The following ITGB8 variants were observed in gnomAD, a reference collection of about 807,000 sequenced individuals.
ITGB8 encodes integrin subunit beta 8, also known as integrin beta-8.
ITGB8 carries 30 observed loss-of-function variants against 89.5 expected under a neutral mutation model. The observed-to-expected ratio is 0.34, with a 90% CI of 0.25 to 0.45. The LOEUF is 0.45. Among genes scored for constraint, ITGB8 ranks in the 20% least tolerant of loss-of-function variants. The pLI, the probability that ITGB8 is intolerant of heterozygous loss-of-function variation, is 1.00. For missense variants in ITGB8, 836 were observed against 933.3 expected, an observed-to-expected ratio of 0.90 and a Z score of 1.36; for synonymous variants, 335 against 320.4, an observed-to-expected ratio of 1.05 and a Z score of -0.49.
intron 1 of ITGB8, among the ~76,000 whole-genome samples, chr7:20,332,973 C>A (rs1784459668): frequency 6.8e-6 from 1 of 147,864 alleles, no homozygotes; most frequent in Non-Finnish European, 1.5e-5. Flanking sequence ...GTCACCAAGT[C>A]CTTAAATTAT....
intron 6 of ITGB8, 116 bp downstream of exon 6, chr7:20,382,001 C>T (rs1363996411): frequency 1.2e-6 from 1 of 817,366 alleles, no homozygotes; most frequent in East Asian, 2.6e-5. Context: ...AGATACAGAA[C>T]AAGGATAAGC....
Position 20,412,990 on chromosome 7 carries a change from T to G in ITGB8, c.*2993T>G, listed in dbSNP as rs1787816329. 1 of 152,520 alleles carries G rather than the reference T, an allele frequency of 6.6e-6. No individual in the cohort carries two copies. Among genetic ancestry groups the G allele is most frequent in the Non-Finnish European group, 1.5e-5 (1 of 68,004 alleles). 9.4% of individuals were successfully genotyped at this position (152,520 alleles called of 1,614,324 possible). A position where few individuals can be genotyped will look rare whatever the true frequency, so the allele number is the denominator to read the frequency against. ...CAACACTTTTAGTACTGCAGCATTT[T>G]TGTGCCCTAAAGTATGTAATGATTT... On this transcript the variant is annotated 3_prime_UTR_variant, in exon 14 of 14. Coordinates refer to ENST00000222573, the MANE Select transcript of ITGB8 (RefSeq NM_002214.3).
Position 20,410,178 on chromosome 7 carries a change from T to G in ITGB8, c.*181T>G. 3.3e-6 allele frequency: 2 copies of G among 612,140 alleles called. No individual in the cohort carries two copies. The highest frequency in any genetic ancestry group is 4.2e-5 in the South Asian group (2 of 48,054). 37.9% of individuals were successfully genotyped at this position (612,140 alleles called of 1,614,324 possible). On this transcript the variant is annotated 3_prime_UTR_variant, in exon 14 of 14. Transcript: ENST00000222573. Reference sequence around the variant, plus strand: ...GATGTGACTCACATAGCTGCTGACTTTTTCAGAGAAAAATGTGTCTTACTA... The same window carrying G: ...GATGTGACTCACATAGCTGCTGACTGTTTCAGAGAAAAATGTGTCTTACTA...
chr7:20,376,997 C>T (rs920102220), intron 3 of ITGB8, among the ~76,000 whole-genome samples: 3 of 152,132 alleles, frequency 2.0e-5, no homozygotes, highest in African/African-American at 4.8e-5. Context: ...TTGCTGAGGC[C>T]AGCGAGACCG....
In ITGB8 at chr7:20,414,892, A is replaced by G. The variant is rs1042118946; in HGVS notation, c.*4895A>G. On this transcript the variant is annotated 3_prime_UTR_variant, in exon 14 of 14. Transcript: ENST00000222573. ...AATCAGGTTTCTTCTAGCCTCTGCAACCTACTTCAGTTAGAATTGTCTAAT... is the reference window on the plus strand; with the variant it reads ...AATCAGGTTTCTTCTAGCCTCTGCAGCCTACTTCAGTTAGAATTGTCTAAT... The G allele has an allele frequency of 2.0e-5, 3 of 152,574 alleles. No homozygotes were observed. Among genetic ancestry groups the G allele is most frequent in the Non-Finnish European group, 1.5e-5 (1 of 67,978 alleles). 9.5% of individuals were successfully genotyped at this position (152,574 alleles called of 1,614,324 possible).
At chr7:20,407,494 T>A (rs1271796359) in intron 12 of ITGB8, among the ~76,000 whole-genome samples, 5 of 152,322 alleles carry the variant, frequency 3.3e-5, no homozygotes, top group South Asian at 2.1e-4. Flanking sequence ...ATTGCAACTA[T>A]TATTTCAAGT....
chr7:20,369,640 G>T (rs562102055), intron 3 of ITGB8, among the ~76,000 whole-genome samples: 1 of 152,188 alleles, frequency 6.6e-6, no homozygotes, highest in Admixed American at 6.5e-5. Context: ...CAATTCAGTC[G>T]ATAGCATTTG....
At chr7:20,406,226 T>A in intron 12 of ITGB8, 55 bp downstream of exon 12, 1 of 1,113,088 alleles carries the variant, frequency 9.0e-7, no homozygotes, top group East Asian at 2.4e-5. Context: ...AGGATGATGT[T>A]CCCCCAAAAG....
At chr7:20,405,457 C>T (rs1372441494) in intron 11 of ITGB8, among the ~76,000 whole-genome samples, 1 of 150,028 alleles carries the variant, frequency 6.7e-6, no homozygotes, top group African/African-American at 2.4e-5. Context: ...ACTACAGGTG[C>T]CCGCCACCAC....
intron 1 of ITGB8, among the ~76,000 whole-genome samples, chr7:20,350,531 A>G (rs553922992): frequency 6.6e-6 from 1 of 152,348 alleles, no homozygotes; most frequent in Admixed American, 6.5e-5. Flanking sequence ...TGTACATGCT[A>G]TAAAGCAAAT....
intron 1 of ITGB8, chr7:20,352,386 A>G (rs1452086673): frequency 6.6e-6 from 1 of 152,246 alleles, no homozygotes; most frequent in Non-Finnish European, 1.5e-5. Flanking sequence ...TTCCTCTTCA[A>G]GAACTACTCT....
At chr7:20,330,113 C>T (rs1001335451), upstream of ITGB8, among the ~76,000 whole-genome samples, 10 of 152,330 alleles carry the variant, frequency 6.6e-5, no homozygotes, top group African/African-American at 2.4e-4. Context: ...GAGCCACCAC[C>T]AGACGCTGGG....
chr7:20,340,997 G>A (rs1458004414), intron 1 of ITGB8, among the ~76,000 whole-genome samples: 2 of 152,184 alleles, frequency 1.3e-5, no homozygotes, highest in Non-Finnish European at 2.9e-5. Context: ...GTCATGCAAG[G>A]TATTCATTGA....
chr7:20,392,782 T>C (rs1786917027), intron 7 of ITGB8, among the ~76,000 whole-genome samples: 1 of 152,226 alleles, frequency 6.6e-6, no homozygotes, highest in South Asian at 2.1e-4. Flanking sequence ...TTTCTTTCTG[T>C]GTCTGACTTA....
chr7:20,353,246 G>A (rs1785170669), intron 1 of ITGB8: 1 of 152,186 alleles, frequency 6.6e-6, no homozygotes, highest in East Asian at 1.9e-4. Flanking sequence ...AAATCTTTAT[G>A]CTAGCGTAAA....
At chr7:20,401,366 C>A (rs890721302) in intron 9 of ITGB8, among the ~76,000 whole-genome samples, 17 of 152,166 alleles carry the variant, frequency 1.1e-4, no homozygotes, top group Non-Finnish European at 1.0e-4. Context: ...CAATACCCCA[C>A]ATTTTAATGG....
chr7:20,399,674 G>A (rs1787229154), intron 9 of ITGB8, among the ~76,000 whole-genome samples: 1 of 152,070 alleles, frequency 6.6e-6, no homozygotes, highest in African/African-American at 2.4e-5. Flanking sequence ...AACGGAGAGA[G>A]TAACACAAAG....
intron 1 of ITGB8, chr7:20,346,817 A>T (rs933862342): frequency 2.8e-5 from 28 of 985,344 alleles, no homozygotes; most frequent in Non-Finnish European, 3.0e-5. Context: ...TGACCATGAC[A>T]TAGGACTTTA....
Position 20,402,874 on chromosome 7 carries a change from A to G in ITGB8, c.1687+748A>G, listed in dbSNP as rs1787371601. Reference sequence around the variant, plus strand: ...ATCAACATTAGCAAACTAAAACAAAATACTGTTTTTAAATGAATTAAATAA... The same window carrying G: ...ATCAACATTAGCAAACTAAAACAAAGTACTGTTTTTAAATGAATTAAATAA... On this transcript the variant is annotated intron_variant, in intron 10 of 13. Coordinates refer to ENST00000222573, the MANE Select transcript of ITGB8 (RefSeq NM_002214.3). Among the ~76,000 whole-genome samples the G allele has an allele frequency of 2.0e-5, 3 of 152,210 alleles. No homozygotes were observed. The South Asian group carries it at 6.2e-4, about 32-fold the overall frequency.
Sources: gnomAD v4.1 joint callset for allele counts (sites outside exome capture counted in the v4.1 genomes callset) on GRCh38, gnomAD v4.1.1 for gene constraint, MANE v1.5 for transcripts, NCBI Gene and HGNC (gene_info 2026-07-23, HGNC 2026-07-21) for gene names.